Variants in RNPEP observed in about 807,000 individuals in gnomAD.
The protein encoded by RNPEP is arginyl aminopeptidase, also known as aminopeptidase B.
In RNPEP, 57 loss-of-function variants were observed where a neutral mutation model predicts 70.1. The observed-to-expected ratio is 0.81, with a 90% CI of 0.66 to 1.01. The LOEUF (loss-of-function observed/expected upper bound fraction) is 1.01, where lower values mean the gene tolerates loss of function less well. RNPEP is among the 50% of genes least tolerant of loss of function. RNPEP has a pLI of 0.00. For missense variants in RNPEP, 787 were observed against 852.4 expected (o/e 0.92, Z 0.96); for synonymous variants, 335 against 357.4 (o/e 0.94, Z 0.71).
intron 9 of RNPEP, among the ~76,000 whole-genome samples, chr1:202,003,931 C>G (rs545317189): frequency 1.3e-5 from 2 of 152,122 alleles, no homozygotes; most frequent in Non-Finnish European, 2.9e-5. Flanking sequence ...TGTGGCTGCT[C>G]AGTCAACATA....
chr1:202,004,504 A>G lies in RNPEP; in HGVS notation c.1794+8A>G. On this transcript the variant is annotated splice_region_variant and intron_variant, in intron 10 of 10. Coordinates refer to ENST00000295640, the MANE Select transcript of RNPEP (RefSeq NM_020216.4). ...GAGTTCCTGCATAACCAGGTGGGTGACCCCTGCCTCGCTGTTCCCGAAAGC... is the reference window on the plus strand; with the variant it reads ...GAGTTCCTGCATAACCAGGTGGGTGGCCCCTGCCTCGCTGTTCCCGAAAGC... The G allele has an allele frequency of 6.2e-7, 1 of 1,612,610 alleles. No individual in the cohort carries two copies. Among genetic ancestry groups the G allele is most frequent in the Non-Finnish European group, 8.5e-7 (1 of 1,179,886 alleles).
intron 4 of RNPEP, among the ~76,000 whole-genome samples, 168 bp from the exon 5 acceptor site, chr1:201,997,151 G>A (rs997335002): frequency 6.7e-6 from 1 of 148,776 alleles, no homozygotes; most frequent in African/African-American, 2.4e-5. Flanking sequence ...CCACGTGGGA[G>A]AAGCATTGAG....
chr1:201,994,948 G>C (rs1683493698), intron 3 of RNPEP, among the ~76,000 whole-genome samples: 1 of 150,434 alleles, frequency 6.6e-6, no homozygotes, highest in Admixed American at 6.7e-5. Context: ...CCGAAGTACT[G>C]GGATTACAGA....
intron 3 of RNPEP, among the ~76,000 whole-genome samples, chr1:201,992,762 A>G (rs1683389208): frequency 6.6e-6 from 1 of 152,114 alleles, no homozygotes; most frequent in Admixed American, 6.6e-5. Flanking sequence ...ATAAGTGGGT[A>G]TTTGGGAGAT....
intron 1 of RNPEP, 118 bp from the exon 2 acceptor site, chr1:201,988,786 C>A: frequency 8.0e-7 from 1 of 1,249,900 alleles, no homozygotes; most frequent in Non-Finnish European, 1.1e-6. Flanking sequence ...ACCAGACTGG[C>A]TGGCGGAAAG....
At chr1:201,989,101 C>A in intron 2 of RNPEP, 57 bp downstream of exon 2, 1 of 1,573,542 alleles carries the variant, frequency 6.4e-7, no homozygotes, top group Non-Finnish European at 8.7e-7. Context: ...GATTTCAGAT[C>A]TATCAATCAG....
At chr1:202,003,136 G>A (rs1487067145) in intron 8 of RNPEP, 101 bp from the exon 9 acceptor site, 1 of 749,330 alleles carries the variant, frequency 1.3e-6, no homozygotes, top group African/African-American at 1.8e-5. Context: ...AAGAGTTTGG[G>A]ATGGAGAGAG....
chr1:202,002,541 A>G (rs1208578768), intron 8 of RNPEP, among the ~76,000 whole-genome samples: 6 of 152,212 alleles, frequency 3.9e-5, no homozygotes, highest in Admixed American at 3.3e-4. Context: ...TCCATTAGAC[A>G]TACCCCCACT....
At chr1:201,986,859 G>A (rs2102961804) in intron 1 of RNPEP, among the ~76,000 whole-genome samples, 1 of 152,080 alleles carries the variant, frequency 6.6e-6, no homozygotes, top group East Asian at 1.9e-4. Flanking sequence ...TTTTCATCAG[G>A]TATTGAGGGC....
chr1:201,995,950 C>T, intron 3 of RNPEP, 197 bp from the exon 4 acceptor site: 1 of 572,994 alleles, frequency 1.7e-6, no homozygotes, highest in Non-Finnish European at 3.1e-6. Flanking sequence ...ATGAGGCTGT[C>T]TTGGGTTCTT....
At chr1:201,998,204 T>G (rs1683638859) in intron 5 of RNPEP, among the ~76,000 whole-genome samples, 1 of 151,742 alleles carries the variant, frequency 6.6e-6, no homozygotes, top group African/African-American at 2.4e-5. Context: ...TGATAAATTC[T>G]TAGAAACATA....
At chr1:201,987,718 G>A (rs1256444182) in intron 1 of RNPEP, among the ~76,000 whole-genome samples, 2 of 151,862 alleles carry the variant, frequency 1.3e-5, no homozygotes, top group East Asian at 1.9e-4. Context: ...GATTACAGGC[G>A]TGAGCCACTG....
chr1:201,984,821 CTTTTTTTTTTTT>C (rs200795347), intron 1 of RNPEP, among the ~76,000 whole-genome samples: 79,444 of 122,326 alleles, frequency 0.65, 26,394 homozygotes, highest in Non-Finnish European at 0.67. Context: ...GTATTTCTTT[CTTTTTTTTTTTT>C]TTTTTTTTTT....
rs886855435 is a variant in RNPEP, at chr1:201,995,983, T to C, written c.738-164T>C. The C allele has an allele frequency of 2.8e-5, 17 of 600,728 alleles. No individual in the cohort carries two copies. In the African/African-American group the frequency reaches 3.2e-4, roughly 11 times the overall value. 37.2% of individuals were successfully genotyped at this position (600,728 alleles called of 1,614,324 possible). A position where few individuals can be genotyped will look rare whatever the true frequency, so the allele number is the denominator to read the frequency against. The stretch of plus-strand genomic sequence containing the variant: ...CTTGTTTCTCAGGTGTGGTGAGCGG[T>C]CTCTTGGATCTGTGTGGTGATCCGA... On this transcript the variant is annotated intron_variant, in intron 3 of 10. Transcript: ENST00000295640.
chr1:201,994,525 C>G (rs1683469890), intron 3 of RNPEP, among the ~76,000 whole-genome samples: 1 of 152,160 alleles, frequency 6.6e-6, no homozygotes, highest in Admixed American at 6.6e-5. Context: ...ATGGCTACGT[C>G]TTTGCTTTTG....
In RNPEP at chr1:201,982,684, T is replaced by C. The variant is rs1041815549; in HGVS notation, c.18T>C (p.His6=). 7 of 1,387,234 alleles carry C rather than the reference T, an allele frequency of 5.0e-6. No individual in the cohort carries two copies. In the African/African-American group the frequency reaches 9.1e-5, roughly 18 times the overall value. The allele number at this position is 1,387,234 out of a possible 1,614,324, so 85.9% of individuals were successfully genotyped here. A position where few individuals can be genotyped will look rare whatever the true frequency, so the allele number is the denominator to read the frequency against. The part of the protein sequence containing the change: MASGE[H]SPGSGAARRP... ...CTGCGGCCATGGCGAGCGGCGAGCATTCCCCCGGCAGCGGCGCGGCCCGGC... is the reference window on the plus strand; with the variant it reads ...CTGCGGCCATGGCGAGCGGCGAGCACTCCCCCGGCAGCGGCGCGGCCCGGC... The change falls in exon 1 of 11, where the codon CAT becomes CAC. Residue 6 remains histidine, a synonymous_variant. Transcript: ENST00000295640.
In RNPEP at chr1:202,001,440, C is replaced by G. The variant is rs747604279; in HGVS notation, c.1269C>G (p.Tyr423Ter). 1 of 1,613,876 alleles carries G rather than the reference C, an allele frequency of 6.2e-7. No homozygotes were observed. The highest frequency in any genetic ancestry group is 8.5e-7 in the Non-Finnish European group (1 of 1,179,764). Reference protein sequence around the residue: ...PYEKGFCFVSYLAHLVGDQDQ... With the variant: ...PYEKGFCFVS ...AGAAAGGTTTCTGCTTTGTTTCATA[C>G]CTGGCCCACTTGGTGGGTGATCAGG... The change falls in exon 7 of 11, where the codon TAC (tyrosine) becomes TAG (stop). Residue 423 changes from tyrosine (Y) to a stop codon, truncating the protein, a stop_gained. Transcript: ENST00000295640. LOFTEE classifies it high-confidence loss of function.
chr1:201,992,395 C>A (rs1683372736), intron 3 of RNPEP, among the ~76,000 whole-genome samples: 1 of 152,138 alleles, frequency 6.6e-6, no homozygotes, highest in Admixed American at 6.5e-5. Flanking sequence ...CATATTCACA[C>A]CCATGCTCTG....
At chr1:201,984,311 AG>A (rs1360004908) in intron 1 of RNPEP, among the ~76,000 whole-genome samples, 1 of 152,170 alleles carries the variant, frequency 6.6e-6, no homozygotes, top group Non-Finnish European at 1.5e-5. Flanking sequence ...GGGTCTGAAA[AG>A]GTGGGACAAC....
Sources: gnomAD v4.1 joint callset for allele counts (sites outside exome capture counted in the v4.1 genomes callset) on GRCh38, gnomAD v4.1.1 for gene constraint, MANE v1.5 for transcripts, NCBI Gene and HGNC (gene_info 2026-07-23, HGNC 2026-07-21) for gene names.